The following RBPJ variants were observed in gnomAD, a reference collection of about 807,000 sequenced individuals.
The protein encoded by RBPJ is recombination signal binding protein for immunoglobulin kappa J region, also known as recombining binding protein suppressor of hairless.
RBPJ carries 9 observed loss-of-function variants against 67.8 expected under a neutral mutation model. That is an observed-to-expected ratio of 0.13 (90% confidence interval 0.08 to 0.23). The LOEUF is 0.23. RBPJ is among the 10% of genes least tolerant of loss of function. The probability of loss-of-function intolerance (pLI) is 1.00; values close to 1 mark genes in which losing one functional copy is unlikely to be tolerated. For synonymous variants in RBPJ, 198 were observed against 203.3 expected (o/e 0.97, Z 0.22); for missense variants, 305 against 595.6 (o/e 0.51, Z 5.08).
At chr4:26,137,868 G>GC in the RBPJ span, among the ~76,000 whole-genome samples, 1 of 152,170 alleles carries the variant, frequency 6.6e-6, no homozygotes, top group Non-Finnish European at 1.5e-5. Context: ...AATTGGCCCT[G>GC]CCCCCCTTCA....
intron 1 of RBPJ, among the ~76,000 whole-genome samples, chr4:26,237,528 T>A (rs960991743): frequency 1.3e-5 from 2 of 152,208 alleles, no homozygotes; most frequent in African/African-American, 2.4e-5. Flanking sequence ...AACATTTCCA[T>A]CATCTTGCAA....
At chr4:26,163,305 A>C (rs553070607), upstream of RBPJ, 2 of 152,178 alleles carry the variant, frequency 1.3e-5, no homozygotes, top group Non-Finnish European at 2.9e-5. Context: ...AGGAAAAAGA[A>C]GAAGCAATAA....
At chr4:26,107,134 T>G in the RBPJ span, among the ~76,000 whole-genome samples, 1 of 152,214 alleles carries the variant, frequency 6.6e-6, no homozygotes, top group Non-Finnish European at 1.5e-5. Flanking sequence ...AAGGAGAGAT[T>G]CAACTCTGGG....
chr4:26,420,327 A>G (rs1326701353), intron 4 of RBPJ, among the ~76,000 whole-genome samples: 5 of 152,214 alleles, frequency 3.3e-5, no homozygotes, highest in Admixed American at 3.3e-4. Flanking sequence ...AGAGGATACA[A>G]TAGATGACAA....
chr4:26,349,983 C>A (rs886776912), intron 1 of RBPJ, among the ~76,000 whole-genome samples: 1 of 152,186 alleles, frequency 6.6e-6, no homozygotes, highest in African/African-American at 2.4e-5. Context: ...ACTGTTATTT[C>A]ATAAAATGCT....
At chr4:26,394,543 G>A (rs1021866031) in intron 2 of RBPJ, among the ~76,000 whole-genome samples, 2 of 151,848 alleles carry the variant, frequency 1.3e-5, no homozygotes, top group East Asian at 3.9e-4. Context: ...GTACTGTTGA[G>A]GCTTTTAGAG....
At chr4:26,360,355 C>T (rs1019188629) in intron 1 of RBPJ, among the ~76,000 whole-genome samples, 3 of 152,084 alleles carry the variant, frequency 2.0e-5, no homozygotes, top group African/African-American at 7.2e-5. Context: ...TCAGATATAC[C>T]TGCCATCATG....
chr4:26,236,618 A>G lies in RBPJ; in HGVS notation c.-167+73004A>G, dbSNP rs569374430. ...GCAGCTGGCTTCATCCAGAGCAAGC[A>G]ATTCAAGAGACCAAGATGGAAGCTC... On this transcript the variant is annotated intron_variant, in intron 1 of 4. Transcript: ENST00000512351. Among the ~76,000 whole-genome samples, 114 of 152,216 alleles carry G rather than the reference A, an allele frequency of 7.5e-4. 2 individuals are homozygous for G. The highest frequency in any genetic ancestry group is 3.1e-4 in the Non-Finnish European group (21 of 68,038).
the RBPJ span, among the ~76,000 whole-genome samples, chr4:26,124,941 C>A: frequency 6.0e-3 from 918 of 152,274 alleles, 11 homozygotes; most frequent in African/African-American, 0.021. Flanking sequence ...ATGGCAACAG[C>A]AATGTGTCAG....
intron 1 of RBPJ, among the ~76,000 whole-genome samples, chr4:26,239,929 T>C (rs1339900073): frequency 1.3e-5 from 2 of 152,204 alleles, no homozygotes; most frequent in Non-Finnish European, 2.9e-5. Context: ...TTTTCCACTT[T>C]GCAAAATTTT....
At chr4:26,413,417 A>T (rs905779685) in intron 3 of RBPJ, among the ~76,000 whole-genome samples, 13 of 151,576 alleles carry the variant, frequency 8.6e-5, no homozygotes, top group African/African-American at 3.2e-4. Flanking sequence ...ATGTTATTTC[A>T]CTCATTTATC....
intron 1 of RBPJ, chr4:26,272,899 A>C (rs1371401767): frequency 4.1e-6 from 1 of 243,508 alleles, no homozygotes. Flanking sequence ...GAACTCTGCA[A>C]CTCTCAAGCA....
In RBPJ at chr4:26,208,646, G is replaced by A. The variant is rs115705530; in HGVS notation, c.-167+45032G>A. Among the ~76,000 whole-genome samples, 1,461 of 152,232 alleles carry A rather than the reference G, an allele frequency of 9.6e-3. 20 individuals are homozygous for A. The highest frequency in any genetic ancestry group is 0.033 in the African/African-American group (1,378 of 41,528). ...AACCCAGTTTATCCATTGCTCCTTT[G>A]AATTAACAGACCACGATTTGCACAA... is the stretch of plus-strand genomic sequence containing the variant. On this transcript the variant is annotated intron_variant, in intron 1 of 4. Coordinates refer to the RBPJ transcript ENST00000512351.
At chr4:26,384,368 A>G (rs763354302) in intron 1 of RBPJ, among the ~76,000 whole-genome samples, 15 of 152,238 alleles carry the variant, frequency 9.9e-5, no homozygotes, top group Non-Finnish European at 1.6e-4. Context: ...TCTTAGGACA[A>G]ATGAACAAAA....
intron 1 of RBPJ, among the ~76,000 whole-genome samples, chr4:26,333,683 C>T (rs920830466): frequency 6.6e-6 from 1 of 152,010 alleles, no homozygotes; most frequent in Non-Finnish European, 1.5e-5. Flanking sequence ...CATCATTGTG[C>T]CTGGCTTAAT....
intron 1 of RBPJ, among the ~76,000 whole-genome samples, chr4:26,226,325 T>C (rs2109198061): frequency 1.3e-5 from 2 of 152,024 alleles, no homozygotes; most frequent in South Asian, 4.1e-4. Flanking sequence ...AATTAATTAA[T>C]TAGCCAGGTA....
At chr4:26,138,893 G>C in the RBPJ span, among the ~76,000 whole-genome samples, 1 of 152,226 alleles carries the variant, frequency 6.6e-6, no homozygotes, top group Non-Finnish European at 1.5e-5. Flanking sequence ...AGGCTTAGGG[G>C]TTCCATGAAG....
chr4:26,268,045 A>G (rs78525558), intron 1 of RBPJ, among the ~76,000 whole-genome samples: 1,965 of 152,288 alleles, frequency 0.013, 42 homozygotes, highest in African/African-American at 0.045. Context: ...AAGCTTTTAA[A>G]CCAATACTTC....
At chr4:26,244,923 A>G (rs992693098) in intron 1 of RBPJ, among the ~76,000 whole-genome samples, 5 of 151,906 alleles carry the variant, frequency 3.3e-5, no homozygotes, top group African/African-American at 1.2e-4. Context: ...CATGAATTTT[A>G]ATTTCTAATA....
Sources: gnomAD v4.1 joint callset for allele counts (sites outside exome capture counted in the v4.1 genomes callset) on GRCh38, gnomAD v4.1.1 for gene constraint, MANE v1.5 for transcripts, NCBI Gene and HGNC (gene_info 2026-07-23, HGNC 2026-07-21) for gene names.